Variants in CDH1 observed in about 807,000 individuals in gnomAD.
CDH1 encodes cadherin 1.
A neutral mutation model predicts 84.5 loss-of-function variants in CDH1; 35 were observed. The ratio of observed to expected loss-of-function variants is 0.41; its 90% CI spans 0.32 to 0.55. CDH1 has a LOEUF of 0.55. CDH1 is among the 20% of genes least tolerant of loss of function. The pLI, the probability that CDH1 is intolerant of heterozygous loss-of-function variation, is 0.19. For synonymous variants in CDH1, 417 were observed against 439.0 expected (o/e 0.95, Z 0.63); for missense variants, 994 against 1,126.6 (o/e 0.88, Z 1.68).
At chr16:68,809,224 G>GTTTT (rs1382053085) in intron 5 of CDH1, among the ~76,000 whole-genome samples, 2 of 116,336 alleles carry the variant, frequency 1.7e-5, no homozygotes, top group Non-Finnish European at 1.7e-5. Flanking sequence ...AAACCAAGAG[G>GTTTT]TCTTTTTTTT....
At chr16:68,738,639 T>C (rs1461781423) in intron 2 of CDH1, among the ~76,000 whole-genome samples, 1 of 152,080 alleles carries the variant, frequency 6.6e-6, no homozygotes, top group Non-Finnish European at 1.5e-5. Flanking sequence ...GAAGAGGAGG[T>C]TGAGGGCACT....
chr16:68,823,660 C>A, intron 13 of CDH1, 34 bp downstream of exon 13: 1 of 1,438,504 alleles, frequency 7.0e-7, no homozygotes, highest in Non-Finnish European at 9.7e-7. Context: ...CAGCCTTTGA[C>A]TTAAAAAAAT....
chr16:68,816,954 T>G (rs765785462), intron 10 of CDH1, among the ~76,000 whole-genome samples: 1 of 152,158 alleles, frequency 6.6e-6, no homozygotes, highest in South Asian at 2.1e-4. Flanking sequence ...CCAGGCTGGG[T>G]TGAAAGCTTG....
chr16:68,805,795 A>G (rs1027991495), intron 3 of CDH1, among the ~76,000 whole-genome samples: 4 of 152,064 alleles, frequency 2.6e-5, no homozygotes, highest in African/African-American at 4.8e-5. Flanking sequence ...GGATTTCACC[A>G]TGTTGGCCAG....
In CDH1 at chr16:68,828,289, C is replaced by A. The variant is rs768547540; in HGVS notation, c.2280C>A (p.Gly760=). 6.2e-7 allele frequency: 1 copy of A among 1,613,832 alleles called. No homozygotes were observed. Among genetic ancestry groups the A allele is most frequent in the Non-Finnish European group, 8.5e-7 (1 of 1,179,940 alleles). ...TTTATTACTATGATGAAGAAGGAGG[C>A]GGAGAAGAGGACCAGGTGGGTTTTG... ...DNVYYYDEEG[G]GEEDQDFDLS... is the part of the protein sequence containing the mutation. Residue 760 remains glycine (G), a synonymous_variant, in exon 14 of 16, where the codon GGC becomes GGA. Coordinates refer to ENST00000261769, the MANE Select transcript of CDH1 (RefSeq NM_004360.5).
intron 3 of CDH1, among the ~76,000 whole-genome samples, chr16:68,803,620 T>A (rs1960572998): frequency 6.6e-6 from 1 of 152,112 alleles, no homozygotes; most frequent in South Asian, 2.1e-4. Flanking sequence ...GGTCTCGAAC[T>A]CCTGACCTCA....
chr16:68,819,680 T>A (rs1961088327), intron 11 of CDH1, among the ~76,000 whole-genome samples: 1 of 152,164 alleles, frequency 6.6e-6, no homozygotes, highest in Admixed American at 6.5e-5. Context: ...TTGTTCATCA[T>A]CTACCCCCTC....
chr16:68,746,640 A>G (rs952447848), intron 2 of CDH1, among the ~76,000 whole-genome samples: 2 of 151,914 alleles, frequency 1.3e-5, no homozygotes, highest in African/African-American at 2.4e-5. Flanking sequence ...TGAGAACTCT[A>G]TGGATGCAAG....
chr16:68,793,716 C>T (rs1166041078), intron 2 of CDH1, among the ~76,000 whole-genome samples: 1 of 152,148 alleles, frequency 6.6e-6, no homozygotes, highest in African/African-American at 2.4e-5. Context: ...AGAGGTGAAA[C>T]CTCGTCTCTA....
chr16:68,767,142 T>C (rs1313633549), intron 2 of CDH1, among the ~76,000 whole-genome samples: 1 of 151,242 alleles, frequency 6.6e-6, no homozygotes, highest in Non-Finnish European at 1.5e-5. Flanking sequence ...ATTTTCATAA[T>C]AGAACACGAT....
chr16:68,774,183 G>A (rs1008717946), intron 2 of CDH1, among the ~76,000 whole-genome samples: 1 of 152,160 alleles, frequency 6.6e-6, no homozygotes, highest in Non-Finnish European at 1.5e-5. Context: ...TAAAGTGCTG[G>A]AATTACAGGC....
intron 3 of CDH1, among the ~76,000 whole-genome samples, chr16:68,804,795 T>A (rs1187904294): frequency 1.3e-4 from 20 of 149,566 alleles, no homozygotes; most frequent in Non-Finnish European, 5.9e-5. Flanking sequence ...TTAACTTTTT[T>A]AAAAAACAAC....
intron 2 of CDH1, among the ~76,000 whole-genome samples, chr16:68,743,512 C>G (rs552733650): frequency 1.3e-5 from 2 of 151,824 alleles, no homozygotes; most frequent in African/African-American, 4.8e-5. Flanking sequence ...ATTATAGGCA[C>G]GCAGAAGCAT....
intron 3 of CDH1, among the ~76,000 whole-genome samples, chr16:68,804,011 C>T (rs1960583236): frequency 7.0e-6 from 1 of 143,798 alleles, no homozygotes; most frequent in South Asian, 2.2e-4. Context: ...GTCATCATGT[C>T]TTTTTTTATT....
chr16:68,818,101 G>A (rs1362776371), intron 10 of CDH1, among the ~76,000 whole-genome samples: 1 of 151,688 alleles, frequency 6.6e-6, no homozygotes, highest in Non-Finnish European at 1.5e-5. Context: ...TTAGCCGGGC[G>A]TGGTGGCGGG....
At chr16:68,781,126 C>T (rs1028325367) in intron 2 of CDH1, among the ~76,000 whole-genome samples, 1 of 152,212 alleles carries the variant, frequency 6.6e-6, no homozygotes, top group African/African-American at 2.4e-5. Flanking sequence ...ACCCTGTCCC[C>T]ACTCCTCAGC....
chr16:68,823,307 G>A (rs1383104241), intron 12 of CDH1, 92 bp from the exon 13 acceptor site: 16 of 865,362 alleles, frequency 1.8e-5, no homozygotes, highest in South Asian at 1.2e-4. Context: ...CTCGGCTTGC[G>A]GGTGTCTTTA....
intron 2 of CDH1, among the ~76,000 whole-genome samples, chr16:68,789,830 C>T (rs949225722): frequency 2.0e-5 from 3 of 152,116 alleles, no homozygotes; most frequent in Non-Finnish European, 4.4e-5. Flanking sequence ...GAGGCTGAGG[C>T]GGGCGGATCA....
At chr16:68,776,733 A>C (rs1194283970) in intron 2 of CDH1, among the ~76,000 whole-genome samples, 1 of 152,220 alleles carries the variant, frequency 6.6e-6, no homozygotes. Context: ...CTTTTAAAGG[A>C]AAGCTGAGCA....
Sources: allele counts gnomAD v4.1 joint callset (sites outside exome capture counted in the v4.1 genomes callset), GRCh38; gene constraint gnomAD v4.1.1; transcripts MANE v1.5; gene names NCBI Gene and HGNC (gene_info 2026-07-23, HGNC 2026-07-21).